Variants in KCTD16 observed in about 807,000 individuals in gnomAD.
KCTD16 encodes the protein potassium channel tetramerization domain containing 16.
Under a neutral mutation model 33.2 loss-of-function variants are expected in KCTD16, and 13 were observed. The ratio of observed to expected loss-of-function variants is 0.39; its 90% CI spans 0.25 to 0.62. The LOEUF (loss-of-function observed/expected upper bound fraction) is 0.62. Ranked by LOEUF, KCTD16 falls within the 20% of genes least tolerant of loss-of-function variation. The pLI is 0.50. For missense variants in KCTD16, 441 were observed against 525.1 expected (o/e 0.84, Z 1.57); for synonymous variants, 197 against 195.3 (o/e 1.01, Z -0.07).
At chr5:144,212,958 A>G (rs1459247138) in intron 3 of KCTD16, among the ~76,000 whole-genome samples, 1 of 152,178 alleles carries the variant, frequency 6.6e-6, no homozygotes, top group Non-Finnish European at 1.5e-5. Context: ...ATTATTTTGA[A>G]GCAAATCCCA....
At chr5:144,193,298 C>G (rs750533488) in intron 2 of KCTD16, among the ~76,000 whole-genome samples, 1 of 152,172 alleles carries the variant, frequency 6.6e-6, no homozygotes, top group South Asian at 2.1e-4. Flanking sequence ...TGGTCCCTGC[C>G]TACTTCTCAG....
At chr5:144,462,500 A>G (rs1367442993) in intron 3 of KCTD16, among the ~76,000 whole-genome samples, 1 of 151,752 alleles carries the variant, frequency 6.6e-6, no homozygotes, top group East Asian at 1.9e-4. Context: ...GATGGGAGAG[A>G]AGAAGGGGAA....
intron 3 of KCTD16, among the ~76,000 whole-genome samples, chr5:144,277,709 TCTAA>T (rs780768696): frequency 1.2e-4 from 19 of 152,250 alleles, no homozygotes; most frequent in Non-Finnish European, 2.6e-4. Flanking sequence ...ATGTTTAGAT[TCTAA>T]CTATTTTAAT....
chr5:144,318,915 G>A (rs536137296), intron 3 of KCTD16, among the ~76,000 whole-genome samples: 1 of 152,150 alleles, frequency 6.6e-6, no homozygotes, highest in South Asian at 2.1e-4. Flanking sequence ...AATGTTTAGA[G>A]GGAGGTTAAA....
chr5:144,294,772 C>G (rs1473569149), intron 3 of KCTD16, among the ~76,000 whole-genome samples: 1 of 152,144 alleles, frequency 6.6e-6, no homozygotes, highest in East Asian at 1.9e-4. Flanking sequence ...ATCTTAACCC[C>G]TCCAGACCTT....
rs1753180123 is a variant in KCTD16 at position 144,206,634 on chromosome 5, C to G, written c.-81C>G. The G allele has an allele frequency of 5.0e-6, 6 of 1,195,436 alleles. No individual in the cohort carries two copies. In the East Asian group the frequency reaches 1.2e-4, roughly 23 times the overall value. The allele number at this position is 1,195,436 out of a possible 1,614,324, so 74.1% of individuals were successfully genotyped here. A position where few individuals can be genotyped will look rare whatever the true frequency, so the allele number is the denominator to read the frequency against. On this transcript the variant is annotated 5_prime_UTR_variant, in exon 3 of 4. Transcript: ENST00000512467. ...AGTTAGCATCCTTTTCCCTTTCTTA[C>G]AAGTTGATCCAAAGGATAAGGCTGT...
chr5:144,225,900 C>A (rs775361680), intron 3 of KCTD16, among the ~76,000 whole-genome samples: 40 of 152,200 alleles, frequency 2.6e-4, no homozygotes, highest in Admixed American at 3.9e-4. Context: ...ACTTTAGAAG[C>A]CTAGCTATTA....
chr5:144,426,931 G>C (rs549324484), intron 3 of KCTD16, among the ~76,000 whole-genome samples: 1 of 152,200 alleles, frequency 6.6e-6, no homozygotes, highest in South Asian at 2.1e-4. Context: ...TTCAACATGA[G>C]TTTTGGAGAA....
chr5:144,461,593 A>T (rs1754196561), intron 3 of KCTD16, among the ~76,000 whole-genome samples: 1 of 152,060 alleles, frequency 6.6e-6, no homozygotes, highest in Admixed American at 6.5e-5. Context: ...CTGACTCCTC[A>T]GTCCGTCCTT....
chr5:144,338,442 A>C (rs1752543226), intron 3 of KCTD16, among the ~76,000 whole-genome samples: 1 of 152,096 alleles, frequency 6.6e-6, no homozygotes, highest in African/African-American at 2.4e-5. Context: ...TTGATAGGAG[A>C]GTTAAATAAG....
At chr5:144,195,074 C>T (rs1752916513) in intron 2 of KCTD16, among the ~76,000 whole-genome samples, 1 of 152,152 alleles carries the variant, frequency 6.6e-6, no homozygotes, top group Non-Finnish European at 1.5e-5. Context: ...CTTCCCCAGA[C>T]CCTCAGGATA....
chr5:144,240,313 G>A (rs929788162), intron 3 of KCTD16, among the ~76,000 whole-genome samples: 9 of 152,066 alleles, frequency 5.9e-5, no homozygotes, highest in African/African-American at 1.9e-4. Context: ...AATTCGAATT[G>A]TGCTTCCTTC....
intron 2 of KCTD16, among the ~76,000 whole-genome samples, chr5:144,192,325 AT>A (rs1752858162): frequency 1.3e-5 from 2 of 152,194 alleles, no homozygotes; most frequent in African/African-American, 2.4e-5. Flanking sequence ...TTTCTAAGAA[AT>A]GCTTACTTAA....
intron 1 of KCTD16, among the ~76,000 whole-genome samples, chr5:144,171,830 G>A (rs1752391158): frequency 6.6e-6 from 1 of 152,196 alleles, no homozygotes; most frequent in South Asian, 2.1e-4. Context: ...GTGAACTGAT[G>A]AGTGATGTTT....
chr5:144,423,734 T>A (rs1033454113), intron 3 of KCTD16, among the ~76,000 whole-genome samples: 1 of 152,158 alleles, frequency 6.6e-6, no homozygotes, highest in Non-Finnish European at 1.5e-5. Context: ...GATTCTTAGT[T>A]AATTCTACAG....
chr5:144,176,026 G>C (rs1752498738), intron 2 of KCTD16, among the ~76,000 whole-genome samples: 1 of 152,098 alleles, frequency 6.6e-6, no homozygotes, highest in African/African-American at 2.4e-5. Context: ...ATTAAAATAT[G>C]CTTTTTTATC....
chr5:144,352,586 A>G (rs913039114), intron 3 of KCTD16, among the ~76,000 whole-genome samples: 1 of 152,112 alleles, frequency 6.6e-6, no homozygotes, highest in Non-Finnish European at 1.5e-5. Flanking sequence ...AGCAAATTGA[A>G]CACAGTTCCT....
At chr5:144,314,019 G>A (rs890889644) in intron 3 of KCTD16, among the ~76,000 whole-genome samples, 1 of 152,088 alleles carries the variant, frequency 6.6e-6, no homozygotes, top group Admixed American at 6.5e-5. Flanking sequence ...CCATACAGTG[G>A]TAACTAGTGG....
At chr5:144,280,916 G>T (rs1044667308) in intron 3 of KCTD16, among the ~76,000 whole-genome samples, 1 of 151,650 alleles carries the variant, frequency 6.6e-6, no homozygotes, top group Admixed American at 6.6e-5. Flanking sequence ...TTAGCCGGGC[G>T]TGGTGGTGGG....
Sources: gnomAD v4.1 joint callset for allele counts (sites outside exome capture counted in the v4.1 genomes callset) on GRCh38, gnomAD v4.1.1 for gene constraint, MANE v1.5 for transcripts, NCBI Gene and HGNC (gene_info 2026-07-23, HGNC 2026-07-21) for gene names.